MTX3: variants seen among roughly 807,000 people sequenced by gnomAD.
MTX3 encodes metaxin 3, also known as metaxin-3.
In MTX3, 27 loss-of-function variants were observed where a neutral mutation model predicts 42.5. That is an observed-to-expected ratio of 0.64 (90% CI 0.47 to 0.88). The LOEUF (loss-of-function observed/expected upper bound fraction) is 0.88, where lower values mean the gene tolerates loss of function less well. MTX3 is among the 40% of genes least tolerant of loss of function. The pLI is 0.00. For synonymous variants in MTX3, 144 were observed against 132.9 expected, an observed-to-expected ratio of 1.08 and a Z score of -0.57; for missense variants, 378 against 367.0, an observed-to-expected ratio of 1.03 and a Z score of -0.25.
Position 79,978,642 on chromosome 5 carries a change from A to G in MTX3, c.*5042T>C, listed in dbSNP as rs1198946104. On this transcript the variant is annotated 3_prime_UTR_variant, in exon 9 of 9. Transcript: ENST00000512528. ...TTAAAATAAATTAGGGAAATGATGT[A>G]TAAAATAGAGGTGCTTCTTGGAGAT... 6.6e-6 allele frequency: 1 copy of G among 152,212 alleles called. No homozygotes were observed. Among genetic ancestry groups the G allele is most frequent in the Non-Finnish European group, 1.5e-5 (1 of 68,038 alleles). The allele number at this position is 152,212 out of a possible 1,614,324, so 9.4% of individuals were successfully genotyped here.
At position 79,981,173 on chromosome 5, in the gene MTX3, CA is replaced by C. The variant is rs79987429; in HGVS notation, c.*2510del. The stretch of plus-strand genomic sequence containing the variant: ...GGGCAACAAGAGTGAAACTCTGTCT[CA>C]AAAAAAAAAAAAAGTTCTTTTCTAA... On this transcript the variant is annotated 3_prime_UTR_variant, in exon 9 of 9. Transcript: ENST00000512528. 303 of 137,148 alleles carry C rather than the reference CA, an allele frequency of 2.2e-3. No individual in the cohort carries two copies. Among genetic ancestry groups the C allele is most frequent in the Non-Finnish European group, 2.1e-3 (132 of 62,674 alleles). 8.5% of individuals were successfully genotyped at this position (137,148 alleles called of 1,614,324 possible).
At chr5:79,986,654 G>A in intron 7 of MTX3, 2 of 490,612 alleles carry the variant, frequency 4.1e-6, no homozygotes, top group South Asian at 3.3e-5. Context: ...AATACCTGTG[G>A]TTTTAACCTT....
rs571618703 is a variant in MTX3, at chr5:79,982,037, A to G, written c.*1647T>C. ...TAAAGTCTCACAGTCATGATTTCCA[A>G]TATAACATATTTAGGTTTCAGACTG... On this transcript the variant is annotated 3_prime_UTR_variant, in exon 9 of 9. Transcript: ENST00000512528. The G allele has an allele frequency of 1.3e-4, 21 of 166,034 alleles. 1 individual carries two copies. The South Asian group carries it at 2.1e-3, about 17-fold the overall frequency. The allele number at this position is 166,034 out of a possible 1,614,324, so 10.3% of individuals were successfully genotyped here.
At chr5:79,987,714 C>T (rs1337849015) in intron 6 of MTX3, among the ~76,000 whole-genome samples, 1 of 152,138 alleles carries the variant, frequency 6.6e-6, no homozygotes, top group Non-Finnish European at 1.5e-5. Flanking sequence ...TGGGAACAGT[C>T]TGAGATGTTT....
rs1831260874 is a variant in MTX3 at position 79,976,811 on chromosome 5, A to ATAT, written c.*6870_*6872dup. ...CATTTATCAGAATAAATTCTTTACA[A>ATAT]TATTGATCACCATCACCACTTTAGT... On this transcript the variant is annotated 3_prime_UTR_variant, in exon 9 of 9. Transcript: ENST00000512528. 1 of 152,630 alleles carries ATAT rather than the reference A, an allele frequency of 6.6e-6. No homozygotes were observed. Among genetic ancestry groups the ATAT allele is most frequent in the African/African-American group, 2.4e-5 (1 of 41,448 alleles). The allele number at this position is 152,630 out of a possible 1,614,324, so 9.5% of individuals were successfully genotyped here. A position where few individuals can be genotyped will look rare whatever the true frequency, so the allele number is the denominator to read the frequency against.
rs1397735327 is a variant in MTX3, at chr5:79,980,306, C to T, written c.*3378G>A. On this transcript the variant is annotated 3_prime_UTR_variant, in exon 9 of 9. Transcript: ENST00000512528. Reference sequence around the variant, plus strand: ...AATGGTGTTTTTCCATTTTTACAGACTTCTGAAAATTTTAGCTTTGATTGA... The same window carrying T: ...AATGGTGTTTTTCCATTTTTACAGATTTCTGAAAATTTTAGCTTTGATTGA... 1 of 152,122 alleles carries T rather than the reference C, an allele frequency of 6.6e-6. No homozygotes were observed. The highest frequency in any genetic ancestry group is 1.5e-5 in the Non-Finnish European group (1 of 68,022). 9.4% of individuals were successfully genotyped at this position (152,122 alleles called of 1,614,324 possible).
chr5:79,989,007 C>G (rs1561283636), intron 4 of MTX3, 145 bp downstream of exon 4: 1 of 575,480 alleles, frequency 1.7e-6, no homozygotes, highest in Non-Finnish European at 3.0e-6. Context: ...CTAACAGAAT[C>G]CAGTTTCACA....
Position 79,979,743 on chromosome 5 carries a change from G to A in MTX3, c.*3941C>T, listed in dbSNP as rs1013569408. On this transcript the variant is annotated 3_prime_UTR_variant, in exon 9 of 9. Transcript: ENST00000512528. ...GCATTTTTGACTTCCTAGGGAAAAG[G>A]AGTTTTTGGTTTTAGGGTTTTTTTT... 6.6e-6 allele frequency: 1 copy of A among 151,532 alleles called. No individual in the cohort carries two copies. The highest frequency in any genetic ancestry group is 1.9e-4 in the East Asian group (1 of 5,184). 9.4% of individuals were successfully genotyped at this position (151,532 alleles called of 1,614,324 possible).
In MTX3 at chr5:79,982,272, T is replaced by A. The variant is rs1363353660; in HGVS notation, c.*1412A>T. The A allele has an allele frequency of 5.7e-6, 2 of 352,708 alleles. No individual in the cohort carries two copies. The highest frequency in any genetic ancestry group is 1.1e-5 in the Non-Finnish European group (2 of 176,668). The allele number at this position is 352,708 out of a possible 1,614,324, so 21.8% of individuals were successfully genotyped here. On this transcript the variant is annotated 3_prime_UTR_variant, in exon 9 of 9. Coordinates refer to ENST00000512528, the MANE Select transcript of MTX3 (RefSeq NM_001363818.2). ...TCAAGAAAAAATATTTAGAATGACT[T>A]AAAGACTCTTGTATAAATAACTACC... is the stretch of plus-strand genomic sequence containing the variant.
rs754009675 is a variant in MTX3, at chr5:79,983,795, C to T, written c.829-1G>A. 1.2e-6 allele frequency: 2 copies of T among 1,607,086 alleles called. No homozygotes were observed. The highest frequency in any genetic ancestry group is 3.3e-5 in the Admixed American group (2 of 59,894). Reference sequence around the variant, plus strand: ...GGCTTTGGCGAAGATTGTCATCCATCTGTAGAAAGTACAAAAGATACATCT... The same window carrying T: ...GGCTTTGGCGAAGATTGTCATCCATTTGTAGAAAGTACAAAAGATACATCT... On this transcript the variant is annotated splice_acceptor_variant, in intron 8 of 8. Transcript: ENST00000512528. LOFTEE classifies it high-confidence loss of function.
chr5:79,983,887 A>G, intron 8 of MTX3, 93 bp from the exon 9 acceptor site: 2 of 760,416 alleles, frequency 2.6e-6, no homozygotes, highest in Non-Finnish European at 4.5e-6. Flanking sequence ...CTAGAAGAGT[A>G]CAGAACCATA....
chr5:79,984,306 TTC>T (rs1475349785), intron 8 of MTX3, among the ~76,000 whole-genome samples: 4 of 152,348 alleles, frequency 2.6e-5, no homozygotes, highest in Middle Eastern at 6.8e-3. Flanking sequence ...AACCCAGGTC[TTC>T]TGATTCCAAA....
At position 79,978,328 on chromosome 5, in the gene MTX3, C is replaced by T. The variant is rs527366518; in HGVS notation, c.*5356G>A. ...ATCTGGCCGGGGACAGTGGCTCATACCTATAATTCCAGCACTGTGGGAGGG... is the reference window on the plus strand; with the variant it reads ...ATCTGGCCGGGGACAGTGGCTCATATCTATAATTCCAGCACTGTGGGAGGG... On this transcript the variant is annotated 3_prime_UTR_variant, in exon 9 of 9. Transcript: ENST00000512528. 1 of 152,312 alleles carries T rather than the reference C, an allele frequency of 6.6e-6. No individual in the cohort carries two copies. The highest frequency in any genetic ancestry group is 2.4e-5 in the African/African-American group (1 of 41,564). 9.4% of individuals were successfully genotyped at this position (152,312 alleles called of 1,614,324 possible).
rs1831318409 is a variant in MTX3 at position 79,979,123 on chromosome 5, G to C, written c.*4561C>G. The C allele has an allele frequency of 6.6e-6, 1 of 152,428 alleles. No homozygotes were observed. The highest frequency in any genetic ancestry group is 2.4e-5 in the African/African-American group (1 of 41,368). The allele number at this position is 152,428 out of a possible 1,614,324, so 9.4% of individuals were successfully genotyped here. ...CACTTCAATCACAATTTAAGTCCAG[G>C]GCAGGTATCCTGGGCTCCTAGCAAA... On this transcript the variant is annotated 3_prime_UTR_variant, in exon 9 of 9. Transcript: ENST00000512528.
chr5:79,985,871 T>C (rs1468986324), intron 7 of MTX3, among the ~76,000 whole-genome samples: 1 of 150,562 alleles, frequency 6.6e-6, no homozygotes, highest in East Asian at 1.9e-4. Context: ...CAAAAATTTA[T>C]CCACTAAGTA....
Position 79,980,044 on chromosome 5 carries a change from C to A in MTX3, c.*3640G>T, listed in dbSNP as rs1383635954. Reference sequence around the variant, plus strand: ...AGTTCAGAGAGATCCCAGGTACCCACTGCTTAGCTTCCTTTCTTTACATGT... The same window carrying A: ...AGTTCAGAGAGATCCCAGGTACCCAATGCTTAGCTTCCTTTCTTTACATGT... On this transcript the variant is annotated 3_prime_UTR_variant, in exon 9 of 9. Transcript: ENST00000512528. The A allele has an allele frequency of 6.6e-6, 1 of 152,186 alleles. No individual in the cohort carries two copies. Among genetic ancestry groups the A allele is most frequent in the Non-Finnish European group, 1.5e-5 (1 of 68,034 alleles). 9.4% of individuals were successfully genotyped at this position (152,186 alleles called of 1,614,324 possible). A position where few individuals can be genotyped will look rare whatever the true frequency, so the allele number is the denominator to read the frequency against.
chr5:79,989,033 T>C (rs1207427366), intron 4 of MTX3, 119 bp downstream of exon 4: 6 of 644,102 alleles, frequency 9.3e-6, no homozygotes, highest in African/African-American at 1.9e-5. Context: ...ATGAAGGAAT[T>C]AAGATTAACA....
chr5:79,991,139 G>T lies in MTX3; in HGVS notation c.81+19C>A, dbSNP rs1195759265. On this transcript the variant is annotated intron_variant, in intron 1 of 8. Transcript: ENST00000512528. ...CCCCGCCCCTTCCTCCTGCGCCCTGGCCCGCGAGGCGGCCTCACCATCACC... is the reference window on the plus strand; with the variant it reads ...CCCCGCCCCTTCCTCCTGCGCCCTGTCCCGCGAGGCGGCCTCACCATCACC... 3.2e-6 allele frequency: 5 copies of T among 1,545,172 alleles called. No individual in the cohort carries two copies. The African/African-American group carries it at 6.9e-5, about 21-fold the overall frequency.
In MTX3 at chr5:79,976,916, ACT is replaced by A. The variant is rs1831264692; in HGVS notation, c.*6766_*6767del. 1.3e-5 allele frequency: 2 copies of A among 152,644 alleles called. No individual in the cohort carries two copies. Among genetic ancestry groups the A allele is most frequent in the African/African-American group, 4.8e-5 (2 of 41,462 alleles). 9.5% of individuals were successfully genotyped at this position (152,644 alleles called of 1,614,324 possible). On this transcript the variant is annotated 3_prime_UTR_variant, in exon 9 of 9. Transcript: ENST00000512528. Reference sequence around the variant, plus strand: ...ATTGAAATTATGGCCAACATTGCTTACTTTAAGATTGTTTACTTTATAAAGAA... The same window carrying A: ...ATTGAAATTATGGCCAACATTGCTTATTAAGATTGTTTACTTTATAAAGAA...
Sources: gnomAD v4.1 joint callset for allele counts (sites outside exome capture counted in the v4.1 genomes callset) on GRCh38, gnomAD v4.1.1 for gene constraint, MANE v1.5 for transcripts, NCBI Gene and HGNC (gene_info 2026-07-23, HGNC 2026-07-21) for gene names.